NPAS2: variants seen among roughly 807,000 people sequenced by gnomAD.
NPAS2 encodes the protein neuronal PAS domain-containing protein 2.
NPAS2 carries 23 observed loss-of-function variants against 107.5 expected under a neutral mutation model. The ratio of observed to expected loss-of-function variants is 0.21; its 90% confidence interval spans 0.15 to 0.30. The LOEUF (loss-of-function observed/expected upper bound fraction) is 0.30, where lower values mean the gene tolerates loss of function less well. Among genes scored for constraint, NPAS2 ranks in the 10% least tolerant of loss-of-function variants. The pLI, the probability that NPAS2 is intolerant of heterozygous loss-of-function variation, is 1.00. For synonymous variants in NPAS2, 403 were observed against 417.5 expected, an observed-to-expected ratio of 0.97 and a Z score of 0.42; for missense variants, 756 against 1,043.3, an observed-to-expected ratio of 0.72 and a Z score of 3.79.
chr2:100,980,263 T>A (rs531681031), intron 15 of NPAS2, among the ~76,000 whole-genome samples: 1 of 152,242 alleles, frequency 6.6e-6, no homozygotes, highest in East Asian at 1.9e-4. Flanking sequence ...CCACTGCAGG[T>A]GGAAGGGGCA....
Position 100,820,454 on chromosome 2 carries a change from G to A in NPAS2, c.-23+40G>A, listed in dbSNP as rs1229968756. 2.0e-5 allele frequency: 3 copies of A among 150,712 alleles called. No homozygotes were observed. Among genetic ancestry groups the A allele is most frequent in the East Asian group, 2.0e-4 (1 of 4,912 alleles). 9.3% of individuals were successfully genotyped at this position (150,712 alleles called of 1,614,324 possible). The stretch of plus-strand genomic sequence containing the variant: ...CTAGGGGCGCGGGGGACCCAGGGTG[G>A]GTAGTACGTGCGCGCGGGGTCGCAG... On this transcript the variant is annotated intron_variant, in intron 1 of 20. Coordinates refer to ENST00000335681, the MANE Select transcript of NPAS2 (RefSeq NM_002518.4). The surrounding 1 kb of genome is among the most constrained non-coding windows in gnomAD (Gnocchi z 5.6).
rs137953939 is a variant in NPAS2 at position 100,943,777 on chromosome 2, T to G, written c.364-4458T>G. The stretch of plus-strand genomic sequence containing the variant: ...GTCCCCATGATAAGAGATGGGGGCT[T>G]GGCTGGGGGACCTCATCCATGGGTC... On this transcript the variant is annotated intron_variant, in intron 5 of 20. Coordinates refer to ENST00000335681, the MANE Select transcript of NPAS2 (RefSeq NM_002518.4). Among the ~76,000 whole-genome samples the G allele has an allele frequency of 5.0e-3, 767 of 152,310 alleles. 12 individuals are homozygous for G. The East Asian group carries it at 0.051, about 10-fold the overall frequency.
intron 3 of NPAS2, among the ~76,000 whole-genome samples, chr2:100,930,510 C>T (rs1302999426): frequency 1.3e-5 from 2 of 152,180 alleles, no homozygotes; most frequent in African/African-American, 4.8e-5. Flanking sequence ...ACAAAAATGG[C>T]TCTCAGGTGG....
At chr2:100,941,519 C>T (rs1482012146) in intron 5 of NPAS2, among the ~76,000 whole-genome samples, 3 of 152,012 alleles carry the variant, frequency 2.0e-5, no homozygotes, top group Non-Finnish European at 2.9e-5. Flanking sequence ...GCCAAGATCA[C>T]GCCACTGCAC....
chr2:100,987,786 T>C (rs960914762), intron 16 of NPAS2: 4 of 408,746 alleles, frequency 9.8e-6, no homozygotes, highest in Non-Finnish European at 1.8e-5. Flanking sequence ...TACATCACAT[T>C]ATTTAGAGAA....
intron 5 of NPAS2, among the ~76,000 whole-genome samples, chr2:100,939,035 C>T (rs1674411754): frequency 6.6e-6 from 1 of 152,158 alleles, no homozygotes; most frequent in Non-Finnish European, 1.5e-5. Context: ...CTGCCCCTGC[C>T]CAGGGAACAG....
In NPAS2 at chr2:100,875,461, TACACACACACAC is replaced by T. The variant is rs56331462; in HGVS notation, c.-22-29238_-22-29227del. ...ATAAAATTTTTAAAAATTAAAAGCT[TACACACACACAC>T]ACACACACACACACACACACACACA... On this transcript the variant is annotated intron_variant, in intron 1 of 20. Transcript: ENST00000335681. Among the ~76,000 whole-genome samples, 250 of 143,658 alleles carry T rather than the reference TACACACACACAC, an allele frequency of 1.7e-3. 1 individual carries two copies. The highest frequency in any genetic ancestry group is 4.0e-3 in the African/African-American group (156 of 38,702). 94.2% of individuals were successfully genotyped at this position (143,658 alleles called of 152,430 possible).
chr2:100,931,999 G>A (rs1226127023), intron 3 of NPAS2, among the ~76,000 whole-genome samples: 2 of 152,140 alleles, frequency 1.3e-5, no homozygotes, highest in Non-Finnish European at 2.9e-5. Context: ...TGTTAAACAG[G>A]TTAGTTTTAT....
At chr2:100,936,366 A>G (rs935215717) in intron 4 of NPAS2, among the ~76,000 whole-genome samples, 3 of 152,334 alleles carry the variant, frequency 2.0e-5, no homozygotes, top group Admixed American at 2.0e-4. Flanking sequence ...TTCTAAGCAC[A>G]TATTTCACTT....
At chr2:100,863,236 G>C (rs780093524) in intron 1 of NPAS2, among the ~76,000 whole-genome samples, 1 of 152,208 alleles carries the variant, frequency 6.6e-6, no homozygotes, top group Non-Finnish European at 1.5e-5. Flanking sequence ...AGGTGTAGGA[G>C]TTGGATGCTC....
At chr2:100,953,655 G>A (rs534336808) in intron 7 of NPAS2, among the ~76,000 whole-genome samples, 3 of 152,284 alleles carry the variant, frequency 2.0e-5, no homozygotes, top group South Asian at 2.1e-4. Context: ...AAATGGACAC[G>A]TAGAAGGGTT....
In NPAS2 at chr2:100,968,243, A is replaced by C; in HGVS notation, c.908-38A>C. ...TTGGGGAAAAGATCATTTTCATATTAACATTGGTTATATGCGGAATCCATT... is the reference window on the plus strand; with the variant it reads ...TTGGGGAAAAGATCATTTTCATATTCACATTGGTTATATGCGGAATCCATT... On this transcript the variant is annotated intron_variant, in intron 10 of 20. Coordinates refer to ENST00000335681, the MANE Select transcript of NPAS2 (RefSeq NM_002518.4). This position sits in a 1 kb window ranked among gnomAD's most constrained non-coding sequence, Gnocchi z 5.3. 6.3e-7 allele frequency: 1 copy of C among 1,596,226 alleles called. No homozygotes were observed. The highest frequency in any genetic ancestry group is 8.6e-7 in the Non-Finnish European group (1 of 1,165,462).
chr2:100,955,128 G>T (rs1002411564), intron 7 of NPAS2, among the ~76,000 whole-genome samples: 2 of 152,068 alleles, frequency 1.3e-5, no homozygotes, highest in African/African-American at 4.8e-5. Context: ...CCCCACCTTG[G>T]CCTATCTGCT....
chr2:100,985,657 T>G (rs1677738656), intron 16 of NPAS2: 1 of 152,286 alleles, frequency 6.6e-6, no homozygotes, highest in South Asian at 2.1e-4. Flanking sequence ...TTTTTCATTT[T>G]GAATGTTATT....
intron 1 of NPAS2, among the ~76,000 whole-genome samples, chr2:100,893,202 A>G (rs903418764): frequency 4.6e-5 from 7 of 152,214 alleles, no homozygotes; most frequent in African/African-American, 1.7e-4. Context: ...ATAATGAGGA[A>G]AAATCATTAC....
At chr2:100,860,775 C>G (rs74793064) in intron 1 of NPAS2, among the ~76,000 whole-genome samples, 1 of 152,186 alleles carries the variant, frequency 6.6e-6, no homozygotes, top group African/African-American at 2.4e-5. Context: ...TGGCTTCTGA[C>G]GTGTCCGCAT....
chr2:100,876,974 C>T (rs181006993), intron 1 of NPAS2, among the ~76,000 whole-genome samples: 3 of 152,294 alleles, frequency 2.0e-5, no homozygotes, highest in African/African-American at 4.8e-5. Context: ...GGTAGAAGAA[C>T]CAAAGAGGTT....
chr2:100,942,132 G>A (rs1044374120), intron 5 of NPAS2, among the ~76,000 whole-genome samples: 2 of 152,198 alleles, frequency 1.3e-5, no homozygotes, highest in African/African-American at 2.4e-5. Flanking sequence ...TCATAAAACT[G>A]GAGAAATCTG....
intron 1 of NPAS2, among the ~76,000 whole-genome samples, chr2:100,894,292 A>G (rs1681264839): frequency 6.6e-6 from 1 of 152,166 alleles, no homozygotes; most frequent in Admixed American, 6.5e-5. Flanking sequence ...AACCCCAGTC[A>G]TTTCACCTGA....
Sources: gnomAD v4.1 joint callset for allele counts (sites outside exome capture counted in the v4.1 genomes callset) on GRCh38, gnomAD v4.1.1 for gene constraint, Gnocchi (gnomAD v3.1) non-coding constraint, MANE v1.5 for transcripts, NCBI Gene and HGNC (gene_info 2026-07-23, HGNC 2026-07-21) for gene names.